PPP2R5C: variants seen among roughly 807,000 people sequenced by gnomAD.
The protein encoded by PPP2R5C is serine/threonine-protein phosphatase 2A 56 kDa regulatory subunit gamma isoform.
A neutral mutation model predicts 68.9 loss-of-function variants in PPP2R5C; 7 were observed. That is an observed-to-expected ratio of 0.10 (90% CI 0.06 to 0.19). PPP2R5C has a LOEUF of 0.19. PPP2R5C is among the 10% of genes least tolerant of loss of function. The pLI is 1.00. For synonymous variants in PPP2R5C, 210 were observed against 222.2 expected, an observed-to-expected ratio of 0.95 and a Z score of 0.49; for missense variants, 348 against 641.3, an observed-to-expected ratio of 0.54 and a Z score of 4.94.
chr14:101,814,375 G>A (rs979466653), intron 1 of PPP2R5C, among the ~76,000 whole-genome samples: 15 of 152,204 alleles, frequency 9.9e-5, no homozygotes, highest in South Asian at 2.1e-4. Context: ...TGTTTCTTTC[G>A]TATTCCTGGT....
At chr14:101,763,071 C>T (rs2139912527) in intron 2 of PPP2R5C, 101 bp downstream of exon 2, 2 of 1,059,396 alleles carry the variant, frequency 1.9e-6, no homozygotes, top group East Asian at 2.6e-5. Context: ...AAAATGTTTC[C>T]CTATGTGAGG....
At chr14:101,872,351 C>T (rs569308278) in intron 2 of PPP2R5C, among the ~76,000 whole-genome samples, 12 of 151,254 alleles carry the variant, frequency 7.9e-5, no homozygotes, top group South Asian at 2.1e-4. Context: ...CACCCCAACC[C>T]CAACTCTGCC....
Position 101,797,218 on chromosome 14 carries a change from C to A in PPP2R5C, c.259+11035C>A, listed in dbSNP as rs1167736833. On this transcript the variant is annotated intron_variant, in intron 3 of 14. Coordinates refer to the PPP2R5C transcript ENST00000328724. This position sits in a 1 kb window ranked among gnomAD's most constrained non-coding sequence, Gnocchi z 4.2. ...AAACATAATATCTTCCAGGTCCCCC[C>A]ACATTGTAGCACGTGCCAGACCCTC... is the stretch of plus-strand genomic sequence containing the variant. The A allele has an allele frequency of 2.2e-6, 1 of 455,984 alleles. No homozygotes were observed. The highest frequency in any genetic ancestry group is 2.0e-5 in the African/African-American group (1 of 50,078). 28.2% of individuals were successfully genotyped at this position (455,984 alleles called of 1,614,324 possible).
upstream of PPP2R5C, among the ~76,000 whole-genome samples, chr14:101,761,077 A>G (rs114651330): frequency 0.14 from 6,475 of 47,642 alleles, 241 homozygotes; most frequent in Middle Eastern, 0.25. Context: ...GAGAGGAGGG[A>G]AGGGGAGGGG....
At chr14:101,873,868 C>G (rs1035525592) in intron 2 of PPP2R5C, among the ~76,000 whole-genome samples, 1 of 152,136 alleles carries the variant, frequency 6.6e-6, no homozygotes, top group Non-Finnish European at 1.5e-5. Context: ...TCACTTGTTC[C>G]CATCTCAGGG....
At chr14:101,761,456 C>A (rs7157014), upstream of PPP2R5C, among the ~76,000 whole-genome samples, 9,836 of 148,332 alleles carry the variant, frequency 0.066, 357 homozygotes, top group East Asian at 0.15. Context: ...CGCAGCGACT[C>A]GGGACGGAGG....
At chr14:101,885,902 C>T (rs1391676809) in intron 5 of PPP2R5C, among the ~76,000 whole-genome samples, 1 of 152,228 alleles carries the variant, frequency 6.6e-6, no homozygotes, top group Non-Finnish European at 1.5e-5. Context: ...AATTAAAGCT[C>T]TACCTAACAT....
At chr14:101,870,093 C>A (rs573312347) in intron 2 of PPP2R5C, among the ~76,000 whole-genome samples, 22 of 79,398 alleles carry the variant, frequency 2.8e-4, no homozygotes, top group African/African-American at 1.1e-3. Context: ...GACTTCTTTA[C>A]ATATCTGGGT....
chr14:101,924,483 C>T (rs1257565513), intron 13 of PPP2R5C, among the ~76,000 whole-genome samples: 6 of 75,356 alleles, frequency 8.0e-5, no homozygotes, highest in Non-Finnish European at 1.5e-4. Flanking sequence ...GGCCCTGTCA[C>T]CCAGGCTGGA....
intron 2 of PPP2R5C, among the ~76,000 whole-genome samples, chr14:101,865,697 A>G (rs981637686): frequency 1.3e-5 from 2 of 152,164 alleles, no homozygotes; most frequent in African/African-American, 4.8e-5. Flanking sequence ...TGCCTCACAG[A>G]GCAGCTAGGA....
chr14:101,834,842 CCTCAAAT>C (rs1383231116), intron 1 of PPP2R5C, among the ~76,000 whole-genome samples: 1 of 152,200 alleles, frequency 6.6e-6, no homozygotes, highest in Non-Finnish European at 1.5e-5. Flanking sequence ...GAGAAAAAGT[CCTCAAAT>C]CTCAGAGATT....
intron 1 of PPP2R5C, chr14:101,824,400 G>A (rs2040272295): frequency 9.0e-6 from 2 of 223,328 alleles, no homozygotes; most frequent in Admixed American, 5.2e-5. Flanking sequence ...TTGAAGTGAT[G>A]TTTACAATGT....
chr14:101,900,719 G>T (rs953532501), intron 8 of PPP2R5C, among the ~76,000 whole-genome samples: 26 of 152,350 alleles, frequency 1.7e-4, no homozygotes, highest in African/African-American at 5.8e-4. Context: ...AAGAAAGGTT[G>T]CCCAGTGGAA....
chr14:101,801,284 T>G (rs1381871380), intron 3 of PPP2R5C, among the ~76,000 whole-genome samples: 1 of 152,206 alleles, frequency 6.6e-6, no homozygotes, highest in Non-Finnish European at 1.5e-5. Context: ...ACCTGGTCAT[T>G]ACACATTGTT....
At chr14:101,894,403 G>A (rs1192542211) in intron 7 of PPP2R5C, 104 bp from the exon 10 acceptor site, 2 of 1,016,062 alleles carry the variant, frequency 2.0e-6, no homozygotes, top group Non-Finnish European at 3.1e-6. Context: ...CTGTACCGTG[G>A]GTCCTTGTCT....
intron 2 of PPP2R5C, among the ~76,000 whole-genome samples, chr14:101,777,381 G>A (rs141390708): frequency 0.013 from 1,922 of 152,034 alleles, 39 homozygotes; most frequent in African/African-American, 0.041. Context: ...ACAGAGTCTC[G>A]CTCTGTTGCC....
intron 2 of PPP2R5C, among the ~76,000 whole-genome samples, chr14:101,774,169 A>G (rs986381735): frequency 2.6e-5 from 4 of 152,224 alleles, no homozygotes; most frequent in Non-Finnish European, 5.9e-5. Flanking sequence ...ACAGGCAAAG[A>G]TGAGGCACTG....
At chr14:101,895,391 T>C (rs543787671) in intron 8 of PPP2R5C, among the ~76,000 whole-genome samples, 67 of 152,202 alleles carry the variant, frequency 4.4e-4, no homozygotes, top group Non-Finnish European at 9.1e-4. Context: ...ATGACATTCA[T>C]AGTGTTGCGC....
At chr14:101,807,400 A>T (rs890524237), upstream of PPP2R5C, among the ~76,000 whole-genome samples, 2 of 152,096 alleles carry the variant, frequency 1.3e-5, no homozygotes, top group African/African-American at 4.8e-5. Context: ...AGTTGGTAGG[A>T]CTTGCCTTTC....
Sources: gnomAD v4.1 joint callset for allele counts (sites outside exome capture counted in the v4.1 genomes callset) on GRCh38, gnomAD v4.1.1 for gene constraint, Gnocchi (gnomAD v3.1) non-coding constraint, MANE v1.5 for transcripts, NCBI Gene and HGNC (gene_info 2026-07-23, HGNC 2026-07-21) for gene names.